The following NIBAN1 variants were observed in gnomAD, a reference collection of about 807,000 sequenced individuals.
NIBAN1 encodes the protein protein Niban 1.
In NIBAN1, 81 loss-of-function variants were observed where a neutral mutation model predicts 75.1. That is an observed-to-expected ratio of 1.08 (90% CI 0.90 to 1.30). The LOEUF is 1.30. NIBAN1 is among the 50% of genes most tolerant of loss of function. The pLI is 0.00. For missense variants in NIBAN1, 1,133 were observed against 1,128.1 expected (o/e 1.00, Z -0.06); for synonymous variants, 436 against 424.8 (o/e 1.03, Z -0.32).
chr1:184,808,172 C>T lies in NIBAN1; in HGVS notation c.1237G>A (p.Val413Ile). The part of the protein sequence containing the change: ...SVKMEPCYTK[V>I]NLLHERLQDL... Reference sequence around the variant, plus strand: ...TGCAGGCGCTCGTGAAGCAGGTTGACTTTAGTATAACAAGGTTCCATCTTC... The same window carrying T: ...TGCAGGCGCTCGTGAAGCAGGTTGATTTTAGTATAACAAGGTTCCATCTTC... The change falls in exon 10 of 14, where the codon GTC becomes ATC. Residue 413 changes from valine (V) to isoleucine (I), a missense_variant. Transcript: ENST00000367511. The T allele has an allele frequency of 6.2e-7, 1 of 1,614,066 alleles. No individual in the cohort carries two copies. Among genetic ancestry groups the T allele is most frequent in the Non-Finnish European group, 8.5e-7 (1 of 1,180,002 alleles).
chr1:184,823,533 C>A lies in NIBAN1; in HGVS notation c.822+105G>T, dbSNP rs532583276. On this transcript the variant is annotated intron_variant, in intron 7 of 13. Transcript: ENST00000367511. ...CAGGTTCGAAGTAGGCATTTCTACACCCAGGGAAGGGAATATCAACAACAA... is the reference window on the plus strand; with the variant it reads ...CAGGTTCGAAGTAGGCATTTCTACAACCAGGGAAGGGAATATCAACAACAA... The A allele has an allele frequency of 1.2e-4, 155 of 1,344,700 alleles. No homozygotes were observed. The African/African-American group carries it at 2.0e-3, about 17-fold the overall frequency. 83.3% of individuals were successfully genotyped at this position (1,344,700 alleles called of 1,614,324 possible). A position where few individuals can be genotyped will look rare whatever the true frequency, so the allele number is the denominator to read the frequency against.
intron 1 of NIBAN1, among the ~76,000 whole-genome samples, chr1:184,942,714 A>G (rs1382258034): frequency 1.3e-5 from 2 of 151,346 alleles, no homozygotes; most frequent in South Asian, 4.1e-4. Context: ...AAAAAAAAAA[A>G]AGAATCAGGT....
chr1:184,887,146 C>T (rs899066678), intron 4 of NIBAN1, among the ~76,000 whole-genome samples: 1 of 152,030 alleles, frequency 6.6e-6, no homozygotes, highest in Non-Finnish European at 1.5e-5. Context: ...ATCAATCAAT[C>T]CGTATTGGTT....
At chr1:184,876,543 CA>C (rs1034612111) in intron 5 of NIBAN1, among the ~76,000 whole-genome samples, 1 of 150,976 alleles carries the variant, frequency 6.6e-6, no homozygotes, top group African/African-American at 2.4e-5. Context: ...TCTAAAAATG[CA>C]AAAAAAATTA....
intron 1 of NIBAN1, among the ~76,000 whole-genome samples, chr1:184,938,502 T>G (rs1571589136): frequency 1.3e-5 from 2 of 152,156 alleles, no homozygotes; most frequent in Non-Finnish European, 2.9e-5. Context: ...TTTTTTGCTC[T>G]TTCTGTGTTT....
chr1:184,966,671 G>A (rs1307272844), intron 1 of NIBAN1, among the ~76,000 whole-genome samples: 2 of 152,274 alleles, frequency 1.3e-5, no homozygotes, highest in East Asian at 1.9e-4. Context: ...CTTGACCTGC[G>A]TAGTGGCTAC....
At chr1:184,931,564 A>G (rs1357793877) in intron 1 of NIBAN1, among the ~76,000 whole-genome samples, 1 of 152,252 alleles carries the variant, frequency 6.6e-6, no homozygotes, top group Non-Finnish European at 1.5e-5. Flanking sequence ...TAAATTTGAT[A>G]TTAGTGGAAT....
chr1:184,914,687 A>G (rs889346646), intron 1 of NIBAN1, among the ~76,000 whole-genome samples: 8 of 151,856 alleles, frequency 5.3e-5, no homozygotes, highest in Non-Finnish European at 1.2e-4. Context: ...CTCATCTCAC[A>G]TACTTTTACA....
At chr1:184,823,135 A>T in intron 8 of NIBAN1, 32 bp downstream of exon 8, 1 of 1,606,880 alleles carries the variant, frequency 6.2e-7, no homozygotes, top group East Asian at 2.2e-5. Flanking sequence ...CAGCTTATTT[A>T]ATTAGTAAGA....
At chr1:184,902,315 A>G (rs960899168) in intron 1 of NIBAN1, among the ~76,000 whole-genome samples, 1 of 152,116 alleles carries the variant, frequency 6.6e-6, no homozygotes, top group Non-Finnish European at 1.5e-5. Flanking sequence ...CATCTCTACT[A>G]CTTGCCAGCT....
chr1:184,826,377 C>T (rs1457117028), intron 6 of NIBAN1, among the ~76,000 whole-genome samples: 2 of 152,200 alleles, frequency 1.3e-5, no homozygotes, highest in Non-Finnish European at 2.9e-5. Flanking sequence ...TGGAAATTAG[C>T]AGGTCCAACA....
rs189805296 is a variant in NIBAN1, at chr1:184,942,663, C to G, written c.55+31639G>C. On this transcript the variant is annotated intron_variant, in intron 1 of 13. Transcript: ENST00000367511. ...GAGCCCAGATTGCCCCACTGCACTC[C>G]GGCCTGGGCGACAGAGCGAGACTCC... 8.9e-3 allele frequency among the ~76,000 whole-genome samples: 1,306 copies of G among 146,586 alleles called. 10 individuals are homozygous for G. The highest frequency in any genetic ancestry group is 0.014 in the Non-Finnish European group (942 of 67,556).
At chr1:184,870,814 G>A (rs781153275) in intron 5 of NIBAN1, among the ~76,000 whole-genome samples, 4 of 152,170 alleles carry the variant, frequency 2.6e-5, no homozygotes, top group Non-Finnish European at 5.9e-5. Flanking sequence ...AGACATAGTG[G>A]ATAAATTGCA....
At chr1:184,924,413 G>T (rs1384316303) in intron 1 of NIBAN1, among the ~76,000 whole-genome samples, 2 of 152,122 alleles carry the variant, frequency 1.3e-5, no homozygotes, top group Non-Finnish European at 2.9e-5. Flanking sequence ...CACGATAAAT[G>T]ATCTTTTTAA....
intron 1 of NIBAN1, among the ~76,000 whole-genome samples, chr1:184,921,190 G>T (rs184136972): frequency 2.1e-3 from 323 of 151,864 alleles, no homozygotes; most frequent in African/African-American, 7.5e-3. Flanking sequence ...CCAACTACTT[G>T]GGAGACTGAG....
chr1:184,936,698 C>T (rs1181590487), intron 1 of NIBAN1, among the ~76,000 whole-genome samples: 1 of 151,748 alleles, frequency 6.6e-6, no homozygotes, highest in Admixed American at 6.6e-5. Flanking sequence ...TGCGTGCGTG[C>T]GTGTGTGTGT....
chr1:184,890,209 C>G lies in NIBAN1; in HGVS notation c.332G>C (p.Gly111Ala). Residue 111 changes from glycine to alanine, a missense_variant, in exon 4 of 14, where the codon GGA becomes GCA. By Grantham distance (60) the Gly-to-Ala change is moderately conservative. Transcript: ENST00000367511. Reference protein sequence around the residue: ...SYENKEAYQRGAAPKCRILPA... With the variant: ...SYENKEAYQRAAAPKCRILPA... ...AAGAATTCGACATTTAGGAGCAGCT[C>G]CTCTCTGATAGGCCTGGGGAGGGAA... The G allele has an allele frequency of 1.2e-6, 2 of 1,613,576 alleles. No homozygotes were observed. Among genetic ancestry groups the G allele is most frequent in the African/African-American group, 1.3e-5 (1 of 75,000 alleles).
chr1:184,851,998 C>T (rs1655552839), intron 5 of NIBAN1, among the ~76,000 whole-genome samples: 1 of 152,078 alleles, frequency 6.6e-6, no homozygotes, highest in Non-Finnish European at 1.5e-5. Context: ...TCCCACCACG[C>T]GGGGTCCAAT....
At chr1:184,813,383 ATTG>A (rs146532611) in intron 9 of NIBAN1, among the ~76,000 whole-genome samples, 12,259 of 152,266 alleles carry the variant, frequency 0.081, 583 homozygotes, top group African/African-American at 0.13. Context: ...TTTAAAAATT[ATTG>A]TTAAAATAAA....
Sources: allele counts gnomAD v4.1 joint callset (sites outside exome capture counted in the v4.1 genomes callset), GRCh38; gene constraint gnomAD v4.1.1; transcripts MANE v1.5; gene names NCBI Gene and HGNC (gene_info 2026-07-23, HGNC 2026-07-21).